Variants in AMTN observed in about 807,000 individuals in gnomAD.
AMTN encodes RSTI689.
Under a neutral mutation model 27.4 loss-of-function variants are expected in AMTN, and 29 were observed. The ratio of observed to expected loss-of-function variants is 1.06; its 90% confidence interval spans 0.79 to 1.44. The LOEUF is 1.44. Among genes scored for constraint, AMTN ranks in the 40% most tolerant of loss-of-function variants. The pLI, the probability that AMTN is intolerant of heterozygous loss-of-function variation, is 0.00. For synonymous variants in AMTN, 86 were observed against 95.7 expected, an observed-to-expected ratio of 0.90 and a Z score of 0.59; for missense variants, 247 against 248.8, an observed-to-expected ratio of 0.99 and a Z score of 0.05.
Position 70,528,756 on chromosome 4 carries a change from C to A in AMTN, c.328C>A (p.Gln110Lys). 6.3e-7 allele frequency: 1 copy of A among 1,593,304 alleles called. No homozygotes were observed. The highest frequency in any genetic ancestry group is 2.3e-5 in the East Asian group (1 of 44,376). ...AATTTTTGTCACACAACTTGGAGCC[C>A]AGGTAAAAATTATGCTTAATATTGT... ...LPIFVTQLGAQGTILSSEELP... is the reference protein window; with the variant it reads ...LPIFVTQLGAKGTILSSEELP... Residue 110 changes from glutamine to lysine, a missense_variant and splice_region_variant, in exon 6 of 9, where the codon CAG becomes AAG. Transcript: ENST00000339336.
chr4:70,530,899 T>G, intron 7 of AMTN, 140 bp from the exon 8 acceptor site: 1 of 1,167,412 alleles, frequency 8.6e-7, no homozygotes, highest in Non-Finnish European at 1.2e-6. Context: ...GTATTTCCCC[T>G]GAGGAATGCC....
At chr4:70,525,078 C>T (rs17733287) in intron 5 of AMTN, 117 bp downstream of exon 5, 8 of 827,526 alleles carry the variant, frequency 9.7e-6, no homozygotes, top group East Asian at 5.3e-5. Context: ...TATTAACTGA[C>T]GAATGTTCTG....
At position 70,518,639 on chromosome 4, in the gene AMTN, C is replaced by T; in HGVS notation, c.-31C>T. On this transcript the variant is annotated 5_prime_UTR_variant, in exon 1 of 9. Coordinates refer to ENST00000339336, the MANE Select transcript of AMTN (RefSeq NM_212557.4). ...TGGACCTTGAGTATTGTACATTTTG[C>T]CTCGTGGACCCAAAGGTAACATTAA... 7.4e-6 allele frequency: 5 copies of T among 674,942 alleles called. No homozygotes were observed. The highest frequency in any genetic ancestry group is 5.5e-5 in the South Asian group (3 of 54,924). 41.8% of individuals were successfully genotyped at this position (674,942 alleles called of 1,614,324 possible).
chr4:70,525,725 T>C (rs985259162), intron 5 of AMTN, among the ~76,000 whole-genome samples: 7 of 152,002 alleles, frequency 4.6e-5, no homozygotes, highest in Non-Finnish European at 1.5e-5. Context: ...GTGAGACTTA[T>C]CTCTACAAAA....
intron 8 of AMTN, 114 bp downstream of exon 8, chr4:70,531,414 G>T (rs1277932740): frequency 1.5e-6 from 2 of 1,371,480 alleles, no homozygotes; most frequent in Non-Finnish European, 2.0e-6. Context: ...AGATTAGGAA[G>T]CCCCTTTACT....
At position 70,531,265 on chromosome 4, in the gene AMTN, A is replaced by C. The variant is rs1281325211; in HGVS notation, c.584A>C (p.His195Pro). The C allele has an allele frequency of 1.9e-6, 3 of 1,613,894 alleles. No individual in the cohort carries two copies. Among genetic ancestry groups the C allele is most frequent in the East Asian group, 2.2e-5 (1 of 44,868 alleles). The change falls in exon 8 of 9, where the codon CAT becomes CCT. Residue 195 changes from histidine (H) to proline (P), a missense_variant. His to Pro is a moderately conservative substitution (Grantham distance 77, BLOSUM62 -2). Transcript: ENST00000339336. ...CCTGCAGGCATCCAAAGGAGCACAC[A>C]TGCCATCGAGGAAGCCACCACAGAA... ...TTPAGIQRST[H>P]AIEEATTESA...
At chr4:70,529,055 C>A in intron 6 of AMTN, 129 bp from the exon 7 acceptor site, 1 of 842,468 alleles carries the variant, frequency 1.2e-6, no homozygotes, top group Non-Finnish European at 1.8e-6. Flanking sequence ...GGCAGTTTAA[C>A]ATATTATTGG....
rs1267725823 is a variant in AMTN, at chr4:70,522,651, C to G, written c.55-104C>G. 1.2e-5 allele frequency: 13 copies of G among 1,071,252 alleles called. No homozygotes were observed. The East Asian group carries it at 3.1e-4, about 26-fold the overall frequency. 66.4% of individuals were successfully genotyped at this position (1,071,252 alleles called of 1,614,324 possible). The stretch of plus-strand genomic sequence containing the variant: ...CAAACTCCTCTAAAATACACAAAGC[C>G]TAAAAGATAGACATGTTTGCATTGG... On this transcript the variant is annotated intron_variant, in intron 2 of 8. Transcript: ENST00000339336.
chr4:70,524,456 T>G (rs1736051266), intron 4 of AMTN, among the ~76,000 whole-genome samples: 1 of 152,234 alleles, frequency 6.6e-6, no homozygotes, highest in African/African-American at 2.4e-5. Context: ...ATAGCTCATG[T>G]TCCAGACAAA....
chr4:70,518,730 A>G (rs770573526), intron 1 of AMTN, 33 bp from the exon 2 acceptor site: 11 of 1,402,502 alleles, frequency 7.8e-6, no homozygotes, highest in African/African-American at 1.4e-5. Flanking sequence ...GAAAAAAAAT[A>G]CATGGAAGAG....
intron 7 of AMTN, 103 bp from the exon 8 acceptor site, chr4:70,530,936 A>T: frequency 1.4e-6 from 2 of 1,456,430 alleles, no homozygotes; most frequent in Middle Eastern, 1.9e-4. Context: ...CTCTGACTTT[A>T]CTCTCTCCAT....
At chr4:70,522,982 G>A in intron 3 of AMTN, 144 bp downstream of exon 3, 1 of 684,990 alleles carries the variant, frequency 1.5e-6, no homozygotes, top group Non-Finnish European at 2.3e-6. Flanking sequence ...CAAGAGAGAG[G>A]CTTTTCGTTT....
intron 2 of AMTN, among the ~76,000 whole-genome samples, chr4:70,521,823 T>C (rs62324588): frequency 0.45 from 67,765 of 151,822 alleles, 15,895 homozygotes; most frequent in Admixed American, 0.52. Context: ...TTTCATCATG[T>C]TAGCCAGGCT....
intron 5 of AMTN, among the ~76,000 whole-genome samples, chr4:70,527,692 A>G (rs939633096): frequency 6.6e-6 from 1 of 152,192 alleles, no homozygotes; most frequent in Non-Finnish European, 1.5e-5. Flanking sequence ...TAAGAGTCCC[A>G]TTTTGATTAC....
chr4:70,524,927 G>A lies in AMTN; in HGVS notation c.260G>A (p.Gly87Glu), dbSNP rs765704184. ...PGTQTHPLTL[G>E]GLNVQQQLHP... is the part of the protein sequence containing the mutation. Reference sequence around the variant, plus strand: ...ACCCAGACCCACCCATTGACCCTGGGAGGGTTGAATGTACAACAGCAACTG... The same window carrying A: ...ACCCAGACCCACCCATTGACCCTGGAAGGGTTGAATGTACAACAGCAACTG... Residue 87 changes from glycine to glutamate, a missense_variant, in exon 5 of 9, where the codon GGA (glycine) becomes GAA (glutamate). Physicochemically the swap from Gly to Glu is moderately conservative, Grantham distance 98. Transcript: ENST00000339336. 3.1e-6 allele frequency: 5 copies of A among 1,614,060 alleles called. No homozygotes were observed. The highest frequency in any genetic ancestry group is 1.1e-5 in the South Asian group (1 of 91,074).
At position 70,532,493 on chromosome 4, in the gene AMTN, G is replaced by A; in HGVS notation, c.*28G>A. ...TGTTTCAAATTTTTTCAACTAAGCT[G>A]CCTCGAATTTGGTGATACATGTGAA... On this transcript the variant is annotated 3_prime_UTR_variant, in exon 9 of 9. Coordinates refer to ENST00000339336, the MANE Select transcript of AMTN (RefSeq NM_212557.4). The A allele has an allele frequency of 1.9e-6, 3 of 1,604,974 alleles. No individual in the cohort carries two copies. The highest frequency in any genetic ancestry group is 2.6e-6 in the Non-Finnish European group (3 of 1,174,084).
Position 70,532,440 on chromosome 4 carries a change from T to A in AMTN, c.620-15T>A. The A allele has an allele frequency of 1.9e-6, 3 of 1,595,560 alleles. No individual in the cohort carries two copies. The highest frequency in any genetic ancestry group is 2.6e-6 in the Non-Finnish European group (3 of 1,168,176). On this transcript the variant is annotated splice_polypyrimidine_tract_variant and intron_variant, in intron 8 of 8. Coordinates refer to ENST00000339336, the MANE Select transcript of AMTN (RefSeq NM_212557.4). ...CTTTTTACCTACATTTAAAAGGTGT[T>A]TTATTTTCTTCCAGGAATTCAGTAA...
chr4:70,532,728 A>G lies in AMTN; in HGVS notation c.*263A>G, dbSNP rs1232266350. On this transcript the variant is annotated 3_prime_UTR_variant, in exon 9 of 9. Transcript: ENST00000339336. ...GCCTGGATGATATGCATATTAAAAC[A>G]TATTTGGAAAACTGACTCTTTTTCT... is the stretch of plus-strand genomic sequence containing the variant. The G allele has an allele frequency of 2.8e-5, 10 of 358,724 alleles. No individual in the cohort carries two copies. Among genetic ancestry groups the G allele is most frequent in the Non-Finnish European group, 5.0e-5 (10 of 200,558 alleles). The allele number at this position is 358,724 out of a possible 1,614,324, so 22.2% of individuals were successfully genotyped here.
chr4:70,520,452 T>G (rs1197153271), intron 2 of AMTN, among the ~76,000 whole-genome samples: 1 of 152,174 alleles, frequency 6.6e-6, no homozygotes, highest in Admixed American at 6.5e-5. Flanking sequence ...ATTTTGAGGA[T>G]AGGTACCAGA....
Sources: gnomAD v4.1 joint callset for allele counts (sites outside exome capture counted in the v4.1 genomes callset) on GRCh38, gnomAD v4.1.1 for gene constraint, MANE v1.5 for transcripts, NCBI Gene and HGNC (gene_info 2026-07-23, HGNC 2026-07-21) for gene names.